ARHGEF28: variants seen among roughly 807,000 people sequenced by gnomAD.
The protein encoded by ARHGEF28 is Rho guanine nucleotide exchange factor 28.
Under a neutral mutation model 206.6 loss-of-function variants are expected in ARHGEF28, and 152 were observed. The observed-to-expected ratio is 0.74, with a 90% CI of 0.64 to 0.84. ARHGEF28 has a LOEUF of 0.84. ARHGEF28 is among the 40% of genes least tolerant of loss of function. ARHGEF28 has a pLI of 0.00. For missense variants in ARHGEF28, 2,028 were observed against 2,073.2 expected, an observed-to-expected ratio of 0.98 and a Z score of 0.42; for synonymous variants, 763 against 776.4, an observed-to-expected ratio of 0.98 and a Z score of 0.29.
intron 1 of ARHGEF28, among the ~76,000 whole-genome samples, chr5:73,626,821 TC>T (rs959430489): frequency 1.2e-4 from 18 of 152,174 alleles, no homozygotes; most frequent in African/African-American, 4.1e-4. Context: ...TGTGGAAGCA[TC>T]TGCTGTGTTT....
chr5:73,629,936 G>A (rs1743259040), intron 1 of ARHGEF28, among the ~76,000 whole-genome samples: 1 of 152,182 alleles, frequency 6.6e-6, no homozygotes, highest in Non-Finnish European at 1.5e-5. Flanking sequence ...ATGTGTCTAT[G>A]AGTGAGGACC....
intron 7 of ARHGEF28, among the ~76,000 whole-genome samples, chr5:73,783,366 G>GTGTA (rs1753960695): frequency 7.9e-6 from 1 of 126,058 alleles, no homozygotes; most frequent in Non-Finnish European, 1.9e-5. Flanking sequence ...GTGTGTGTGT[G>GTGTA]TGTGTGTGTG....
chr5:73,815,307 T>C (rs1420360102), intron 9 of ARHGEF28, among the ~76,000 whole-genome samples: 2 of 150,142 alleles, frequency 1.3e-5, no homozygotes, highest in Admixed American at 6.6e-5. Flanking sequence ...TAGTATATAT[T>C]GCTATTTTTT....
intron 1 of ARHGEF28, among the ~76,000 whole-genome samples, chr5:73,682,946 A>G (rs1225779043): frequency 6.6e-6 from 1 of 152,050 alleles, no homozygotes; most frequent in Non-Finnish European, 1.5e-5. Flanking sequence ...TGTCTGCCCC[A>G]TTTAGAATTC....
At chr5:73,691,234 T>G (rs1747810357) in intron 2 of ARHGEF28, among the ~76,000 whole-genome samples, 1 of 152,066 alleles carries the variant, frequency 6.6e-6, no homozygotes, top group South Asian at 2.1e-4. Context: ...CCAGTGAAAT[T>G]CTCCTTTTTA....
intron 2 of ARHGEF28, among the ~76,000 whole-genome samples, chr5:73,737,332 T>C (rs1428882922): frequency 6.6e-6 from 1 of 152,004 alleles, no homozygotes; most frequent in African/African-American, 2.4e-5. Flanking sequence ...CTATTTCAAC[T>C]AAGCTCCATG....
intron 1 of ARHGEF28, among the ~76,000 whole-genome samples, chr5:73,658,210 C>T (rs1002138323): frequency 8.6e-5 from 13 of 151,850 alleles, no homozygotes; most frequent in Admixed American, 6.6e-4. Context: ...CCACTCCTGG[C>T]AGGATTAGTC....
At chr5:73,827,100 A>G (rs1250389924) in intron 9 of ARHGEF28, among the ~76,000 whole-genome samples, 1 of 152,130 alleles carries the variant, frequency 6.6e-6, no homozygotes, top group Non-Finnish European at 1.5e-5. Flanking sequence ...ATTTCATGAG[A>G]GCTCATCCTT....
intron 2 of ARHGEF28, among the ~76,000 whole-genome samples, chr5:73,708,487 G>A (rs1366646553): frequency 2.6e-5 from 4 of 152,052 alleles, no homozygotes; most frequent in Non-Finnish European, 5.9e-5. Context: ...AATTTGCTTA[G>A]GATAATGACC....
chr5:73,663,383 G>A (rs73762149), intron 1 of ARHGEF28, among the ~76,000 whole-genome samples: 2 of 152,168 alleles, frequency 1.3e-5, no homozygotes, highest in African/African-American at 4.8e-5. Flanking sequence ...CTCCAGGACT[G>A]GTGTGCCCTC....
intron 2 of ARHGEF28, among the ~76,000 whole-genome samples, chr5:73,703,611 A>C (rs1174976899): frequency 6.6e-6 from 1 of 151,822 alleles, no homozygotes; most frequent in Non-Finnish European, 1.5e-5. Flanking sequence ...AGTTACTTGA[A>C]AGGCTTTAAA....
chr5:73,895,414 C>A (rs1171147487), intron 29 of ARHGEF28, among the ~76,000 whole-genome samples: 1 of 152,058 alleles, frequency 6.6e-6, no homozygotes, highest in Non-Finnish European at 1.5e-5. Context: ...CTAACTCATT[C>A]AGGGAAGGCA....
intron 9 of ARHGEF28, among the ~76,000 whole-genome samples, chr5:73,828,347 A>G (rs911411027): frequency 1.2e-4 from 19 of 152,238 alleles, no homozygotes; most frequent in South Asian, 2.1e-4. Context: ...GCATCCTTTG[A>G]CAAGCAGAGG....
At chr5:73,704,022 TA>T (rs11386247) in intron 2 of ARHGEF28, among the ~76,000 whole-genome samples, 39 of 144,938 alleles carry the variant, frequency 2.7e-4, no homozygotes, top group South Asian at 8.9e-4. Flanking sequence ...AGACTCTGTC[TA>T]AAAAAAAAAA....
rs1463295175 is a variant in ARHGEF28 at position 73,806,273 on chromosome 5, A to G, written c.1024+10882A>G. 2.9e-5 allele frequency among the ~76,000 whole-genome samples: 4 copies of G among 138,004 alleles called. 1 individual carries two copies. Among genetic ancestry groups the G allele is most frequent in the South Asian group, 4.6e-4 (2 of 4,388 alleles). The allele number at this position is 138,004 out of a possible 152,430, so 90.5% of individuals were successfully genotyped here. ...ATATCGATATATAGTATATATAGAT[A>G]TATATACATAGATAGTATATATAGT... On this transcript the variant is annotated intron_variant, in intron 9 of 35. Coordinates refer to ENST00000513042, the MANE Select transcript of ARHGEF28 (RefSeq NM_001177693.2).
chr5:73,749,772 G>A, intron 2 of ARHGEF28, 65 bp from the exon 3 acceptor site: 1 of 1,581,274 alleles, frequency 6.3e-7, no homozygotes. Flanking sequence ...CAGGTCCTTT[G>A]TATTGTGCTT....
chr5:73,882,378 A>G, intron 22 of ARHGEF28, 94 bp from the exon 23 acceptor site: 2 of 898,874 alleles, frequency 2.2e-6, no homozygotes, highest in Non-Finnish European at 1.6e-6. Context: ...TTTTATTTGC[A>G]AATACTATTT....
chr5:73,737,563 G>A (rs1751072632), intron 2 of ARHGEF28, among the ~76,000 whole-genome samples: 1 of 143,684 alleles, frequency 7.0e-6, no homozygotes, highest in Non-Finnish European at 1.5e-5. Flanking sequence ...CCAGGCTGGA[G>A]TGCAATGGTG....
intron 2 of ARHGEF28, among the ~76,000 whole-genome samples, chr5:73,714,077 T>G (rs939248836): frequency 6.6e-6 from 1 of 152,182 alleles, no homozygotes; most frequent in Non-Finnish European, 1.5e-5. Flanking sequence ...CTGGGGACTT[T>G]AACCGCCCTG....
Sources: allele counts gnomAD v4.1 joint callset (sites outside exome capture counted in the v4.1 genomes callset), GRCh38; gene constraint gnomAD v4.1.1; transcripts MANE v1.5; gene names NCBI Gene and HGNC (gene_info 2026-07-23, HGNC 2026-07-21).